The following MRPS9 variants were observed in gnomAD, a reference collection of about 807,000 sequenced individuals.
MRPS9 encodes the protein small ribosomal subunit protein uS9m.
Under a neutral mutation model 59.9 loss-of-function variants are expected in MRPS9, and 45 were observed. That is an observed-to-expected ratio of 0.75 (90% CI 0.59 to 0.96). The LOEUF (loss-of-function observed/expected upper bound fraction) is 0.96, where lower values mean the gene tolerates loss of function less well. Ranked by LOEUF, MRPS9 falls within the 40% of genes least tolerant of loss-of-function variation. MRPS9 has a pLI of 0.00. For synonymous variants in MRPS9, 171 were observed against 166.8 expected (o/e 1.03, Z -0.19); for missense variants, 473 against 481.1 (o/e 0.98, Z 0.16).
chr2:105,041,574 T>A (rs1428901059), intron 1 of MRPS9, among the ~76,000 whole-genome samples: 1 of 152,062 alleles, frequency 6.6e-6, no homozygotes, highest in Admixed American at 6.6e-5. Context: ...TATAATATCC[T>A]GTATTTATCA....
At chr2:105,090,122 C>A in intron 7 of MRPS9, 127 bp downstream of exon 7, 1 of 510,736 alleles carries the variant, frequency 2.0e-6, no homozygotes. Context: ...TTCTTTCTTT[C>A]TTTAAAAACA....
intron 2 of MRPS9, among the ~76,000 whole-genome samples, chr2:105,069,319 A>G (rs1680066156): frequency 6.7e-6 from 1 of 150,234 alleles, no homozygotes; most frequent in African/African-American, 2.5e-5. Context: ...GGTTCAAACG[A>G]TTCTCCTGCC....
At chr2:105,073,620 G>A (rs12614335) in intron 4 of MRPS9, among the ~76,000 whole-genome samples, 43,996 of 152,032 alleles carry the variant, frequency 0.29, 6,467 homozygotes, top group Middle Eastern at 0.43. Flanking sequence ...GAGTTAACAT[G>A]AAATCTTGCT....
intron 6 of MRPS9, 73 bp from the exon 7 acceptor site, chr2:105,089,847 A>G (rs1680522251): frequency 1.0e-6 from 1 of 990,580 alleles, no homozygotes; most frequent in South Asian, 1.6e-5. Context: ...TTGCTACTAT[A>G]TGTGGGATCT....
chr2:105,046,141 C>T (rs1039319257), intron 1 of MRPS9, among the ~76,000 whole-genome samples: 17 of 152,040 alleles, frequency 1.1e-4, no homozygotes, highest in African/African-American at 3.1e-4. Flanking sequence ...GCTAGAATTA[C>T]AGGCGTGAGC....
intron 1 of MRPS9, among the ~76,000 whole-genome samples, chr2:105,048,246 G>C (rs1679633266): frequency 6.6e-6 from 1 of 151,814 alleles, no homozygotes; most frequent in Non-Finnish European, 1.5e-5. Flanking sequence ...GTAAACTATT[G>C]CAAGGACAAA....
At chr2:105,065,547 A>G (rs1679984459) in intron 2 of MRPS9, among the ~76,000 whole-genome samples, 1 of 152,206 alleles carries the variant, frequency 6.6e-6, no homozygotes, top group Non-Finnish European at 1.5e-5. Context: ...GATAAAATTG[A>G]TATCCTTGCA....
chr2:105,097,206 C>T lies in MRPS9; in HGVS notation c.981C>T (p.Asp327=), dbSNP rs757013387. 5.0e-6 allele frequency: 8 copies of T among 1,606,564 alleles called. No individual in the cohort carries two copies. The highest frequency in any genetic ancestry group is 4.5e-5 in the East Asian group (2 of 44,264). ...TTGTTGACCGGCTGGGAAAGCACGA[C>T]GTGACCTGCACAGTCTCAGGGGGCG... The part of the protein sequence containing the change: ...FHFVDRLGKH[D]VTCTVSGGGR... The change falls in exon 10 of 11, where the codon GAC becomes GAT. Residue 327 remains aspartate, a synonymous_variant. Coordinates refer to ENST00000258455, the MANE Select transcript of MRPS9 (RefSeq NM_182640.3).
rs779659647 is a variant in MRPS9 at position 105,071,497 on chromosome 2, T to A, written c.409+8T>A. The A allele has an allele frequency of 4.1e-5, 65 of 1,602,530 alleles. No homozygotes were observed. The highest frequency in any genetic ancestry group is 5.2e-5 in the Non-Finnish European group (61 of 1,173,146). Reference sequence around the variant, plus strand: ...TTTTTCCAAGACAAAGAGGTAAGTTTGTTCAAGAATGAGAGAAACAGTTTT... The same window carrying A: ...TTTTTCCAAGACAAAGAGGTAAGTTAGTTCAAGAATGAGAGAAACAGTTTT... On this transcript the variant is annotated splice_region_variant and intron_variant, in intron 4 of 10. Coordinates refer to ENST00000258455, the MANE Select transcript of MRPS9 (RefSeq NM_182640.3).
At chr2:105,038,491 G>T (rs1679435067) in intron 1 of MRPS9, 3 of 461,476 alleles carry the variant, frequency 6.5e-6, no homozygotes, top group Non-Finnish European at 1.2e-5. Flanking sequence ...CCTTCATTTG[G>T]CTGCTGAGCT....
intron 2 of MRPS9, among the ~76,000 whole-genome samples, chr2:105,059,453 G>A (rs17635055): frequency 0.22 from 33,575 of 152,050 alleles, 3,778 homozygotes; most frequent in Middle Eastern, 0.35. Flanking sequence ...AAGGTATCTT[G>A]AAACACTAAT....
rs1317967199 is a variant in MRPS9, at chr2:105,098,499, T to C, written c.1100-1171T>C. On this transcript the variant is annotated intron_variant, in intron 10 of 10. Transcript: ENST00000258455. ...TGCTTATAAGCAATTTGTCATCATA[T>C]GGGATTCATATCTAGTCATTGAAGT... is the stretch of plus-strand genomic sequence containing the variant. The C allele has an allele frequency of 2.0e-5, 3 of 152,206 alleles. No homozygotes were observed. In the East Asian group the frequency reaches 5.8e-4, roughly 29 times the overall value. 9.4% of individuals were successfully genotyped at this position (152,206 alleles called of 1,614,324 possible).
In MRPS9 at chr2:105,047,216, G is replaced by T. The variant is rs368049249; in HGVS notation, c.136-1955G>T. ...GCATTGTGAGAAACGATAATGATTG[G>T]TTAGTAATATATTTTAGAAGGATGT... On this transcript the variant is annotated intron_variant, in intron 1 of 10. Transcript: ENST00000258455. 8.5e-4 allele frequency among the ~76,000 whole-genome samples: 129 copies of T among 152,082 alleles called. 1 individual carries two copies. Among genetic ancestry groups the T allele is most frequent in the African/African-American group, 3.0e-3 (124 of 41,524 alleles).
At chr2:105,044,055 C>A (rs1679549846) in intron 1 of MRPS9, among the ~76,000 whole-genome samples, 1 of 151,964 alleles carries the variant, frequency 6.6e-6, no homozygotes, top group Non-Finnish European at 1.5e-5. Flanking sequence ...CCTGCCTCAG[C>A]CTCCCAAGTA....
intron 5 of MRPS9, among the ~76,000 whole-genome samples, chr2:105,086,383 A>T (rs1053382292): frequency 2.6e-5 from 4 of 152,146 alleles, no homozygotes; most frequent in African/African-American, 9.7e-5. Context: ...TACCATTTAT[A>T]AATTATTATA....
rs898494724 is a variant in MRPS9 at position 105,090,062 on chromosome 2, A to G, written c.651+67A>G. The G allele has an allele frequency of 3.5e-6, 3 of 861,706 alleles. No individual in the cohort carries two copies. The African/African-American group carries it at 5.3e-5, about 15-fold the overall frequency. The allele number at this position is 861,706 out of a possible 1,614,324, so 53.4% of individuals were successfully genotyped here. On this transcript the variant is annotated intron_variant, in intron 7 of 10. Transcript: ENST00000258455. ...AAGAATACAGACAATTGCTGTATTT[A>G]GGATCCTAATAGTAATGTTCCTCAG...
chr2:105,064,595 C>T (rs1679966606), intron 2 of MRPS9, among the ~76,000 whole-genome samples: 1 of 152,120 alleles, frequency 6.6e-6, no homozygotes, highest in African/African-American at 2.4e-5. Context: ...GATGTGGAAG[C>T]TGAAGGCAGT....
chr2:105,059,870 A>G (rs1573425074), intron 2 of MRPS9, among the ~76,000 whole-genome samples: 1 of 152,254 alleles, frequency 6.6e-6, no homozygotes, highest in East Asian at 1.9e-4. Context: ...GTGAACAGAT[A>G]GGTTAACATT....
At chr2:105,094,536 A>G (rs1680621857) in intron 9 of MRPS9, among the ~76,000 whole-genome samples, 1 of 152,180 alleles carries the variant, frequency 6.6e-6, no homozygotes, top group Admixed American at 6.5e-5. Context: ...TTTTGATACC[A>G]ATGCTGATAT....
Sources: allele counts gnomAD v4.1 joint callset (sites outside exome capture counted in the v4.1 genomes callset), GRCh38; gene constraint gnomAD v4.1.1; transcripts MANE v1.5; gene names NCBI Gene and HGNC (gene_info 2026-07-23, HGNC 2026-07-21).